Variants in ZDHHC17 observed in about 807,000 individuals in gnomAD.
ZDHHC17 encodes zDHHC palmitoyltransferase 17.
In ZDHHC17, 40 loss-of-function variants were observed where a neutral mutation model predicts 90.3. The observed-to-expected ratio is 0.44, with a 90% CI of 0.34 to 0.58. The LOEUF (loss-of-function observed/expected upper bound fraction) is 0.58. Among genes scored for constraint, ZDHHC17 ranks in the 20% least tolerant of loss-of-function variants. The pLI, the probability that ZDHHC17 is intolerant of heterozygous loss-of-function variation, is 0.01. For synonymous variants in ZDHHC17, 235 were observed against 252.4 expected (o/e 0.93, Z 0.65); for missense variants, 614 against 780.8 (o/e 0.79, Z 2.55).
intron 1 of ZDHHC17, among the ~76,000 whole-genome samples, chr12:76,782,610 T>C (rs2137725605): frequency 6.6e-6 from 1 of 152,202 alleles, no homozygotes; most frequent in African/African-American, 2.4e-5. Context: ...TATGTTCCAC[T>C]GGAGTAGGAG....
At chr12:76,848,774 T>C (rs1416356599) in intron 15 of ZDHHC17, among the ~76,000 whole-genome samples, 1 of 152,060 alleles carries the variant, frequency 6.6e-6, no homozygotes, top group Admixed American at 6.5e-5. Flanking sequence ...GATAGGGAGG[T>C]TGTCTGTGCA....
intron 1 of ZDHHC17, among the ~76,000 whole-genome samples, chr12:76,773,400 CTT>C (rs1347743105): frequency 6.6e-6 from 1 of 152,124 alleles, no homozygotes; most frequent in East Asian, 1.9e-4. Flanking sequence ...TCCTCCATGT[CTT>C]TTCATGGCTT....
At chr12:76,813,622 T>C (rs982925483) in intron 5 of ZDHHC17, among the ~76,000 whole-genome samples, 4 of 152,100 alleles carry the variant, frequency 2.6e-5, no homozygotes, top group African/African-American at 9.7e-5. Context: ...TACAGTGTGC[T>C]TACTGTAACT....
chr12:76,776,064 T>G (rs1245056960), intron 1 of ZDHHC17, among the ~76,000 whole-genome samples: 1 of 152,086 alleles, frequency 6.6e-6, no homozygotes, highest in East Asian at 1.9e-4. Flanking sequence ...TTTGTGTCCT[T>G]TTTCCATTGA....
At chr12:76,822,239 A>G (rs1480601165) in intron 7 of ZDHHC17, among the ~76,000 whole-genome samples, 167 bp from the exon 8 acceptor site, 1 of 152,210 alleles carries the variant, frequency 6.6e-6, no homozygotes. Flanking sequence ...TTCTTTGGGA[A>G]AGCGTAATAA....
chr12:76,811,786 T>C (rs1173683704), intron 5 of ZDHHC17, among the ~76,000 whole-genome samples: 1 of 152,130 alleles, frequency 6.6e-6, no homozygotes, highest in East Asian at 1.9e-4. Context: ...TTTAAGAGAT[T>C]TTATTCCATG....
intron 10 of ZDHHC17, among the ~76,000 whole-genome samples, chr12:76,833,646 G>C (rs936560775): frequency 3.3e-5 from 5 of 152,106 alleles, no homozygotes; most frequent in African/African-American, 1.2e-4. Context: ...CAAAAAATTA[G>C]CCGGGCATGG....
At chr12:76,844,928 C>T (rs1163430075) in intron 12 of ZDHHC17, 4 of 152,116 alleles carry the variant, frequency 2.6e-5, no homozygotes, top group Admixed American at 6.5e-5. Flanking sequence ...CTTGTATTCA[C>T]TTGGCTGATT....
At position 76,770,743 on chromosome 12, in the gene ZDHHC17, G is replaced by T. The variant is rs146082643; in HGVS notation, c.93+6414G>T. Among the ~76,000 whole-genome samples, 5 of 152,116 alleles carry T rather than the reference G, an allele frequency of 3.3e-5. No homozygotes were observed. In the East Asian group the frequency reaches 9.7e-4, roughly 29 times the overall value. ...TCCTGAGGTCGGGAGTTCGAGACCA[G>T]CCTGACCAACATGGAGAAACCCCGT... On this transcript the variant is annotated intron_variant, in intron 1 of 16. Transcript: ENST00000426126.
chr12:76,800,246 C>G (rs1197035559), intron 2 of ZDHHC17, among the ~76,000 whole-genome samples: 1 of 152,178 alleles, frequency 6.6e-6, no homozygotes, highest in East Asian at 1.9e-4. Context: ...GTAGTCTTCC[C>G]TTTTCCACTT....
chr12:76,832,168 A>G (rs1041997303), intron 10 of ZDHHC17, among the ~76,000 whole-genome samples: 3 of 152,242 alleles, frequency 2.0e-5, no homozygotes, highest in Non-Finnish European at 2.9e-5. Context: ...AACAGAAAAG[A>G]ACACAGAGTA....
At chr12:76,815,001 TAAGA>T (rs1042556709) in intron 5 of ZDHHC17, 141 bp from the exon 6 acceptor site, 36 of 496,186 alleles carry the variant, frequency 7.3e-5, no homozygotes, top group Non-Finnish European at 9.7e-5. Flanking sequence ...ATTTTAAAGT[TAAGA>T]AAGAAAGTTT....
intron 1 of ZDHHC17, among the ~76,000 whole-genome samples, chr12:76,768,478 A>T (rs973235451): frequency 3.3e-5 from 5 of 152,272 alleles, no homozygotes; most frequent in African/African-American, 1.2e-4. Context: ...TTAAAATAAC[A>T]TAAAAAAGAT....
intron 9 of ZDHHC17, 98 bp downstream of exon 9, chr12:76,827,148 CTTAA>C (rs546233084): frequency 2.6e-4 from 334 of 1,282,206 alleles, no homozygotes; most frequent in African/African-American, 2.6e-3. Context: ...TACATTTGAT[CTTAA>C]TTTATTTAAA....
At chr12:76,770,018 A>T (rs1952475149) in intron 1 of ZDHHC17, among the ~76,000 whole-genome samples, 1 of 152,174 alleles carries the variant, frequency 6.6e-6, no homozygotes, top group South Asian at 2.1e-4. Flanking sequence ...TGGTGTTAGG[A>T]TTCAAATCTC....
rs976983465 is a variant in ZDHHC17 at position 76,852,958 on chromosome 12, G to T, written c.*1973G>T. On this transcript the variant is annotated 3_prime_UTR_variant, in exon 17 of 17. Coordinates refer to ENST00000426126, the MANE Select transcript of ZDHHC17 (RefSeq NM_015336.4). ...ATGCTAGAATTTGTTTTAATTTTTT[G>T]TATTTTGAGCCACTTCACATGAAGA... 1 of 152,400 alleles carries T rather than the reference G, an allele frequency of 6.6e-6. No individual in the cohort carries two copies. Among genetic ancestry groups the T allele is most frequent in the Non-Finnish European group, 1.5e-5 (1 of 67,982 alleles). The allele number at this position is 152,400 out of a possible 1,614,324, so 9.4% of individuals were successfully genotyped here. A position where few individuals can be genotyped will look rare whatever the true frequency, so the allele number is the denominator to read the frequency against.
At chr12:76,774,058 T>C (rs141634067) in intron 1 of ZDHHC17, among the ~76,000 whole-genome samples, 1,679 of 152,178 alleles carry the variant, frequency 0.011, 11 homozygotes, top group Non-Finnish European at 0.017. Context: ...CAGACCAGCC[T>C]GGGAAGCAGT....
At chr12:76,793,793 C>T (rs1438009116) in intron 1 of ZDHHC17, among the ~76,000 whole-genome samples, 1 of 152,198 alleles carries the variant, frequency 6.6e-6, no homozygotes, top group Non-Finnish European at 1.5e-5. Flanking sequence ...CAATGACACA[C>T]ATACATATTT....
At chr12:76,785,306 G>A (rs1245474042) in intron 1 of ZDHHC17, among the ~76,000 whole-genome samples, 1 of 152,058 alleles carries the variant, frequency 6.6e-6, no homozygotes. Context: ...GAACTTGATG[G>A]GGCTTATGTT....
Sources: allele counts gnomAD v4.1 joint callset (sites outside exome capture counted in the v4.1 genomes callset), GRCh38; gene constraint gnomAD v4.1.1; transcripts MANE v1.5; gene names NCBI Gene and HGNC (gene_info 2026-07-23, HGNC 2026-07-21).